The following ZNF778 variants were observed in gnomAD, a reference collection of about 807,000 sequenced individuals.
ZNF778 encodes the protein zinc finger protein 778.
A neutral mutation model predicts 23.9 loss-of-function variants in ZNF778; 37 were observed. That is an observed-to-expected ratio of 1.54 (90% CI 1.19 to 2.03). The LOEUF (loss-of-function observed/expected upper bound fraction) is 2.03, where lower values mean the gene tolerates loss of function less well. Among genes scored for constraint, ZNF778 ranks in the 30% most tolerant of loss-of-function variants. The probability of loss-of-function intolerance (pLI) is 0.00; values close to 1 mark genes in which losing one functional copy is unlikely to be tolerated. For synonymous variants in ZNF778, 483 were observed against 343.9 expected (o/e 1.40, Z -4.48); for missense variants, 1,297 against 934.4 (o/e 1.39, Z -5.06).
intron 4 of ZNF778, 122 bp downstream of exon 4, chr16:89,223,405 G>T: frequency 7.3e-7 from 1 of 1,372,406 alleles, no homozygotes. Context: ...TAACAACTGT[G>T]CTAGTAGGCT....
At position 89,232,904 on chromosome 16, in the gene ZNF778, A is replaced by C. The variant is rs1226788008; in HGVS notation, c.*4342A>C. ...GCAACTCAACTCGCACTGCGTATGC[A>C]ACTCAACTCGCACTGCGTATGCGAA... On this transcript the variant is annotated 3_prime_UTR_variant, in exon 7 of 7. Transcript: ENST00000433976. 1 of 1,269,480 alleles carries C rather than the reference A, an allele frequency of 7.9e-7. No homozygotes were observed. The highest frequency in any genetic ancestry group is 1.0e-6 in the Non-Finnish European group (1 of 984,624). The allele number at this position is 1,269,480 out of a possible 1,614,324, so 78.6% of individuals were successfully genotyped here.
At position 89,228,182 on chromosome 16, in the gene ZNF778, C is replaced by T. The variant is rs760873642; in HGVS notation, c.1894C>T (p.Leu632Phe). 2.2e-5 allele frequency: 35 copies of T among 1,613,446 alleles called. 1 individual carries two copies. The South Asian group carries it at 3.8e-4, about 18-fold the overall frequency. The change falls in exon 7 of 7, where the codon CTT becomes TTT. Residue 632 changes from leucine (L) to phenylalanine (F), a missense_variant. Coordinates refer to ENST00000433976, the MANE Select transcript of ZNF778 (RefSeq NM_001201407.2). ...AAAGGCCTTCACCACATCCTCACAC[C>T]TTATCGTGCACATAAGAACCCACAC... ...CGKAFTTSSHLIVHIRTHTGE... is the reference protein window; with the variant it reads ...CGKAFTTSSHFIVHIRTHTGE...
rs762974016 is a variant in ZNF778 at position 89,227,328 on chromosome 16, C to T, written c.1040C>T (p.Thr347Ile). 21 of 1,614,054 alleles carry T rather than the reference C, an allele frequency of 1.3e-5. No homozygotes were observed. The South Asian group carries it at 2.1e-4, about 16-fold the overall frequency. Residue 347 changes from threonine to isoleucine, a missense_variant, in exon 7 of 7, where the codon ACT (threonine) becomes ATT (isoleucine). Thr to Ile is a moderately conservative substitution (Grantham distance 89, BLOSUM62 -1). Coordinates refer to ENST00000433976, the MANE Select transcript of ZNF778 (RefSeq NM_001201407.2). Reference sequence around the variant, plus strand: ...TGTAAAGAATGCGGAAAAGCCTTCACTGGACTCTCAGGTCTTTCTAAACAC... The same window carrying T: ...TGTAAAGAATGCGGAAAAGCCTTCATTGGACTCTCAGGTCTTTCTAAACAC... Reference protein sequence around the residue: ...CECKECGKAFTGLSGLSKHVQ... With the variant: ...CECKECGKAFIGLSGLSKHVQ...
chr16:89,225,826 C>CA (rs1480633566), intron 6 of ZNF778, among the ~76,000 whole-genome samples, 195 bp downstream of exon 6: 2 of 152,122 alleles, frequency 1.3e-5, no homozygotes, highest in Admixed American at 6.5e-5. Flanking sequence ...GCTTCAGACA[C>CA]ACATCAGCGC....
In ZNF778 at chr16:89,223,187, G is replaced by T; in HGVS notation, c.148G>T (p.Asp50Tyr). The change falls in exon 4 of 7, where the codon GAC becomes TAC. Residue 50 changes from aspartate to tyrosine, a missense_variant. Coordinates refer to ENST00000433976, the MANE Select transcript of ZNF778 (RefSeq NM_001201407.2). ...DAVTFDDVAV[D>Y]FTQEEWTLLD... ...GGTGACCTTTGACGACGTGGCTGTG[G>T]ACTTCACCCAGGAGGAATGGACTTT... 1.2e-6 allele frequency: 2 copies of T among 1,613,970 alleles called. No individual in the cohort carries two copies. Among genetic ancestry groups the T allele is most frequent in the South Asian group, 1.1e-5 (1 of 91,072 alleles).
rs1236627368 is a variant in ZNF778 at position 89,220,115 on chromosome 16, C to T, written c.-131-882C>T. ...AGGTGGAGAACTGAATATTACATCC[C>T]TTTTTGAAGGAGGGAAAAGAGCCTG... On this transcript the variant is annotated intron_variant, in intron 1 of 6. Transcript: ENST00000433976. Among the ~76,000 whole-genome samples the T allele has an allele frequency of 3.3e-5, 5 of 152,154 alleles. No homozygotes were observed. In the East Asian group the frequency reaches 7.7e-4, roughly 23 times the overall value.
At position 89,227,788 on chromosome 16, in the gene ZNF778, C is replaced by T. The variant is rs752327551; in HGVS notation, c.1500C>T (p.Thr500=). The change falls in exon 7 of 7, where the codon ACC becomes ACT. Residue 500 remains threonine (T), a synonymous_variant. Transcript: ENST00000433976. ...TGACTGAGCACGCGAGAATCCATAC[C>T]GGAGAGAAACCCTACGAATGTAAGC... ...SSLTEHARIH[T]GEKPYECKQC... is the part of the protein sequence containing the mutation. The T allele has an allele frequency of 7.9e-5, 128 of 1,612,858 alleles. 1 individual carries two copies. The highest frequency in any genetic ancestry group is 1.6e-4 in the Middle Eastern group (1 of 6,080).
rs72821312 is a variant in ZNF778, at chr16:89,236,576, G to C, written c.*8014G>C. 1 of 152,120 alleles carries C rather than the reference G, an allele frequency of 6.6e-6. No homozygotes were observed. Among genetic ancestry groups the C allele is most frequent in the Non-Finnish European group, 1.5e-5 (1 of 68,038 alleles). The allele number at this position is 152,120 out of a possible 1,614,324, so 9.4% of individuals were successfully genotyped here. A position where few individuals can be genotyped will look rare whatever the true frequency, so the allele number is the denominator to read the frequency against. ...ATAGATCAGATCATTCTACTCTTGA[G>C]TTCTTTAAAATATATATTATTGTCA... On this transcript the variant is annotated 3_prime_UTR_variant, in exon 7 of 7. Coordinates refer to ENST00000433976, the MANE Select transcript of ZNF778 (RefSeq NM_001201407.2).
rs918767688 is a variant in ZNF778, at chr16:89,234,396, G to C, written c.*5834G>C. ...GGTTGTGAAACAGCATCTCCTTGGG[G>C]TGTTGGTTTGCACTTCTCTTCATTA... On this transcript the variant is annotated 3_prime_UTR_variant, in exon 7 of 7. Coordinates refer to ENST00000433976, the MANE Select transcript of ZNF778 (RefSeq NM_001201407.2). 7.4e-6 allele frequency: 2 copies of C among 268,886 alleles called. No individual in the cohort carries two copies. Among genetic ancestry groups the C allele is most frequent in the Admixed American group, 5.1e-5 (1 of 19,772 alleles). The allele number at this position is 268,886 out of a possible 1,614,324, so 16.7% of individuals were successfully genotyped here. A position where few individuals can be genotyped will look rare whatever the true frequency, so the allele number is the denominator to read the frequency against.
In ZNF778 at chr16:89,227,931, T is replaced by G. The variant is rs1286386201; in HGVS notation, c.1643T>G (p.Leu548Arg). The G allele has an allele frequency of 6.2e-7, 1 of 1,613,984 alleles. No homozygotes were observed. Among genetic ancestry groups the G allele is most frequent in the African/African-American group, 1.3e-5 (1 of 74,910 alleles). The change falls in exon 7 of 7, where the codon CTG (leucine) becomes CGG (arginine). Residue 548 changes from leucine to arginine, a missense_variant. By Grantham distance (102) the Leu-to-Arg change is moderately radical (BLOSUM62 -2). Coordinates refer to ENST00000433976, the MANE Select transcript of ZNF778 (RefSeq NM_001201407.2). ...CGKAYNRVYL[L>R]NEHVKTHTEE... ...AAAGCCTACAATAGGGTTTATCTAC[T>G]GAATGAGCATGTGAAAACTCACACA...
Position 89,228,723 on chromosome 16 carries a change from G to A in ZNF778, c.*161G>A. 7.0e-7 allele frequency: 1 copy of A among 1,430,564 alleles called. No homozygotes were observed. Among genetic ancestry groups the A allele is most frequent in the South Asian group, 1.6e-5 (1 of 63,576 alleles). The allele number at this position is 1,430,564 out of a possible 1,614,324, so 88.6% of individuals were successfully genotyped here. A position where few individuals can be genotyped will look rare whatever the true frequency, so the allele number is the denominator to read the frequency against. ...ACTCACCCTGGAGCCCTATGCAGCA[G>A]ACACAGAGAAAGCCCTCAGTGTTCT... On this transcript the variant is annotated 3_prime_UTR_variant, in exon 7 of 7. Coordinates refer to ENST00000433976, the MANE Select transcript of ZNF778 (RefSeq NM_001201407.2).
In ZNF778 at chr16:89,230,176, C is replaced by A; in HGVS notation, c.*1614C>A. 2.1e-6 allele frequency: 1 copy of A among 479,294 alleles called. No homozygotes were observed. The highest frequency in any genetic ancestry group is 2.7e-6 in the Non-Finnish European group (1 of 368,308). The allele number at this position is 479,294 out of a possible 1,614,324, so 29.7% of individuals were successfully genotyped here. On this transcript the variant is annotated 3_prime_UTR_variant, in exon 7 of 7. Transcript: ENST00000433976. ...TATGAAAATGCCCTTGTTCCTCTCC[C>A]ATACCTGATCCCTTCAGATAAAACA...
At chr16:89,222,228 C>G (rs2031026896) in intron 3 of ZNF778, 45 bp downstream of exon 3, 2 of 1,455,070 alleles carry the variant, frequency 1.4e-6, no homozygotes, top group East Asian at 4.7e-5. Flanking sequence ...TACTGGTATT[C>G]AGCAGATAGA....
rs570777867 is a variant in ZNF778, at chr16:89,234,705, C to G, written c.*6143C>G. On this transcript the variant is annotated 3_prime_UTR_variant, in exon 7 of 7. Transcript: ENST00000433976. The stretch of plus-strand genomic sequence containing the variant: ...GGCCGAGGTGGGTGGATCACAAGGT[C>G]AGGAGATCAAGACCATCCTGGCCAA... The G allele has an allele frequency of 1.9e-5, 3 of 154,050 alleles. No individual in the cohort carries two copies. In the South Asian group the frequency reaches 6.1e-4, roughly 31 times the overall value. The allele number at this position is 154,050 out of a possible 1,614,324, so 9.5% of individuals were successfully genotyped here. A position where few individuals can be genotyped will look rare whatever the true frequency, so the allele number is the denominator to read the frequency against.
At chr16:89,222,359 T>C (rs532770491) in intron 3 of ZNF778, among the ~76,000 whole-genome samples, 176 bp downstream of exon 3, 14 of 152,272 alleles carry the variant, frequency 9.2e-5, no homozygotes, top group Non-Finnish European at 1.9e-4. Context: ...CCTCCCCGTA[T>C]TTCAGTGTTA....
intron 5 of ZNF778, among the ~76,000 whole-genome samples, chr16:89,225,111 GTTTT>G (rs540637883): frequency 3.2e-4 from 11 of 33,896 alleles, no homozygotes; most frequent in East Asian, 1.6e-3. Flanking sequence ...CAGTTTGTGG[GTTTT>G]TTTTTTTTTT....
chr16:89,223,845 G>A (rs1168268372), intron 4 of ZNF778, among the ~76,000 whole-genome samples: 1 of 150,436 alleles, frequency 6.6e-6, no homozygotes, highest in African/African-American at 2.4e-5. Flanking sequence ...CTGCACTCCA[G>A]CCTGGGTGAC....
chr16:89,220,973 A>G, intron 1 of ZNF778, 24 bp from the exon 2 acceptor site: 1 of 752,804 alleles, frequency 1.3e-6, no homozygotes, highest in East Asian at 2.8e-5. Context: ...CTGGGAAGTA[A>G]TGCTTCTTCA....
rs754167106 is a variant in ZNF778 at position 89,227,472 on chromosome 16, G to A, written c.1184G>A (p.Cys395Tyr). ...KTHTREKPFA[C>Y]VVCGKYFRNS... ...CACACGAGGGAGAAGCCCTTTGCAT[G>A]TGTGGTTTGCGGAAAATATTTTAGA... is the stretch of plus-strand genomic sequence containing the variant. The change falls in exon 7 of 7, where the codon TGT (cysteine) becomes TAT (tyrosine). Residue 395 changes from cysteine to tyrosine, a missense_variant. Cys to Tyr is a radical substitution (Grantham distance 194, BLOSUM62 -2). Transcript: ENST00000433976. 10 of 1,613,850 alleles carry A rather than the reference G, an allele frequency of 6.2e-6. No individual in the cohort carries two copies. The Admixed American group carries it at 1.0e-4, about 16-fold the overall frequency.
Sources: gnomAD v4.1 joint callset for allele counts (sites outside exome capture counted in the v4.1 genomes callset) on GRCh38, gnomAD v4.1.1 for gene constraint, MANE v1.5 for transcripts, NCBI Gene and HGNC (gene_info 2026-07-23, HGNC 2026-07-21) for gene names.